Variants in MAGI2 observed in about 807,000 individuals in gnomAD.
MAGI2 encodes membrane-associated guanylate kinase, WW and PDZ domain-containing protein 2.
MAGI2 carries 35 observed loss-of-function variants against 133.3 expected under a neutral mutation model. That is an observed-to-expected ratio of 0.26 (90% CI 0.20 to 0.35). MAGI2 has a LOEUF of 0.35. MAGI2 is among the 10% of genes least tolerant of loss of function. The pLI, the probability that MAGI2 is intolerant of heterozygous loss-of-function variation, is 1.00. For missense variants in MAGI2, 1,636 were observed against 1,863.4 expected (o/e 0.88, Z 2.25); for synonymous variants, 729 against 710.6 (o/e 1.03, Z -0.41).
At chr7:78,327,846 C>A (rs1182146392) in intron 9 of MAGI2, among the ~76,000 whole-genome samples, 2 of 152,152 alleles carry the variant, frequency 1.3e-5, no homozygotes, top group Non-Finnish European at 2.9e-5. Flanking sequence ...AAGCCCTGGA[C>A]TTCTGACTCA....
chr7:78,498,397 AGTTT>A (rs1335207371), intron 5 of MAGI2, among the ~76,000 whole-genome samples: 1 of 152,164 alleles, frequency 6.6e-6, no homozygotes, highest in Non-Finnish European at 1.5e-5. Context: ...CATAGTATAC[AGTTT>A]GTTAGTTACA....
chr7:78,127,182 T>C lies in MAGI2; in HGVS notation c.3423+15A>G, dbSNP rs1308204810. Reference sequence around the variant, plus strand: ...GCCTTGGTCAGGACCCACCCTGCTCTCCGGGAGGAGGTACCTGGGGTTGTC... The same window carrying C: ...GCCTTGGTCAGGACCCACCCTGCTCCCCGGGAGGAGGTACCTGGGGTTGTC... On this transcript the variant is annotated intron_variant, in intron 19 of 21. Transcript: ENST00000354212. 2 of 1,548,878 alleles carry C rather than the reference T, an allele frequency of 1.3e-6. No individual in the cohort carries two copies.
At chr7:79,280,622 C>T (rs1835563680) in intron 1 of MAGI2, among the ~76,000 whole-genome samples, 1 of 151,716 alleles carries the variant, frequency 6.6e-6, no homozygotes, top group African/African-American at 2.4e-5. Context: ...CAAGAAGACA[C>T]AATAAAGAAT....
intron 6 of MAGI2, among the ~76,000 whole-genome samples, chr7:78,370,350 A>G (rs1383837290): frequency 6.6e-6 from 1 of 152,046 alleles, no homozygotes; most frequent in African/African-American, 2.4e-5. Context: ...TTACCGCACA[A>G]TATCATTTTC....
chr7:78,459,347 G>C (rs1308118147), intron 6 of MAGI2, among the ~76,000 whole-genome samples: 1 of 152,164 alleles, frequency 6.6e-6, no homozygotes, highest in Non-Finnish European at 1.5e-5. Context: ...TGAGTAGAGA[G>C]TCTTGAGCAA....
chr7:78,051,860 C>T (rs558739064), intron 21 of MAGI2, among the ~76,000 whole-genome samples: 2 of 147,752 alleles, frequency 1.4e-5, no homozygotes, highest in African/African-American at 2.5e-5. Context: ...GCTGGAATTG[C>T]AGGTGTGAGC....
rs138087282 is a variant in MAGI2 at position 78,761,494 on chromosome 7, C to G, written c.419-134255G>C. On this transcript the variant is annotated intron_variant, in intron 2 of 21. Coordinates refer to ENST00000354212, the MANE Select transcript of MAGI2 (RefSeq NM_012301.4). ...TTTTTTTTTTTTTTTGAGACAGAGT[C>G]TTGCTCTGTCCCCCAGGCTGGAGTG... 4.2e-3 allele frequency among the ~76,000 whole-genome samples: 614 copies of G among 144,598 alleles called. 6 individuals carry two copies. Among genetic ancestry groups the G allele is most frequent in the African/African-American group, 0.015 (572 of 38,966 alleles). The allele number at this position is 144,598 out of a possible 152,430, so 94.9% of individuals were successfully genotyped here.
intron 2 of MAGI2, among the ~76,000 whole-genome samples, chr7:78,968,912 A>G (rs76881389): frequency 0.026 from 4,006 of 152,214 alleles, 173 homozygotes; most frequent in African/African-American, 0.091. Flanking sequence ...AGTTAGAAAG[A>G]GTAAAAGAAT....
At chr7:78,361,382 G>A (rs1452995621) in intron 7 of MAGI2, among the ~76,000 whole-genome samples, 1 of 112,656 alleles carries the variant, frequency 8.9e-6, no homozygotes, top group African/African-American at 3.5e-5. Flanking sequence ...GACAGAGTGA[G>A]ACTCCATCTC....
chr7:78,235,936 T>C (rs1369179496), intron 10 of MAGI2, among the ~76,000 whole-genome samples: 1 of 151,912 alleles, frequency 6.6e-6, no homozygotes, highest in African/African-American at 2.4e-5. Flanking sequence ...AAAGTAACCA[T>C]GTGAATTAGC....
chr7:78,602,609 A>G (rs964031628), intron 3 of MAGI2, among the ~76,000 whole-genome samples: 2 of 152,166 alleles, frequency 1.3e-5, no homozygotes, highest in Admixed American at 1.3e-4. Flanking sequence ...AAAAGCTGAA[A>G]AGCATTTTTA....
At chr7:79,174,478 G>A (rs1335382348) in intron 1 of MAGI2, among the ~76,000 whole-genome samples, 3 of 151,540 alleles carry the variant, frequency 2.0e-5, no homozygotes, top group Non-Finnish European at 4.4e-5. Context: ...ATGACAAACT[G>A]GGGAAAAAAA....
At chr7:78,337,891 A>ACCATCCAT (rs112967411) in intron 9 of MAGI2, among the ~76,000 whole-genome samples, 75,315 of 149,916 alleles carry the variant, frequency 0.5, 19,311 homozygotes, top group African/African-American at 0.58. Flanking sequence ...CCATCCAATC[A>ACCATCCAT]CCATCCATCC....
intron 9 of MAGI2, among the ~76,000 whole-genome samples, chr7:78,261,120 C>T (rs1466151109): frequency 6.6e-6 from 1 of 152,072 alleles, no homozygotes; most frequent in East Asian, 1.9e-4. Context: ...AATTTACTTC[C>T]TAGTCAATTC....
At position 79,354,738 on chromosome 7, in the gene MAGI2, G is replaced by T. The variant is rs563308388; in HGVS notation, c.301+98282C>A. ...AAGCCTTTTAAATGCTCACCTCGGTGTGCCTCACAATGGTAATATTAGAGG... is the reference window on the plus strand; with the variant it reads ...AAGCCTTTTAAATGCTCACCTCGGTTTGCCTCACAATGGTAATATTAGAGG... On this transcript the variant is annotated intron_variant, in intron 1 of 21. Coordinates refer to ENST00000354212, the MANE Select transcript of MAGI2 (RefSeq NM_012301.4). Among the ~76,000 whole-genome samples, 16 of 152,284 alleles carry T rather than the reference G, an allele frequency of 1.1e-4. 1 individual carries two copies. Among genetic ancestry groups the T allele is most frequent in the African/African-American group, 2.9e-4 (12 of 41,562 alleles).
chr7:79,296,006 C>G (rs536269005), intron 1 of MAGI2, among the ~76,000 whole-genome samples: 5 of 152,246 alleles, frequency 3.3e-5, no homozygotes, highest in African/African-American at 1.2e-4. Context: ...AAAAGTGAAA[C>G]TATTCCTAAA....
chr7:78,244,375 T>C (rs1446377921), intron 10 of MAGI2, among the ~76,000 whole-genome samples: 1 of 151,958 alleles, frequency 6.6e-6, no homozygotes, highest in Non-Finnish European at 1.5e-5. Context: ...TAAAAAAAAT[T>C]AATTACTATG....
intron 1 of MAGI2, among the ~76,000 whole-genome samples, chr7:79,189,483 A>T (rs1025061721): frequency 6.6e-6 from 1 of 151,660 alleles, no homozygotes; most frequent in Non-Finnish European, 1.5e-5. Flanking sequence ...TTTATTTTTT[A>T]GAGTAGTTTA....
chr7:78,923,296 A>G (rs1381401749), intron 2 of MAGI2, among the ~76,000 whole-genome samples: 1 of 152,128 alleles, frequency 6.6e-6, no homozygotes, highest in Non-Finnish European at 1.5e-5. Flanking sequence ...GGTAATGCCT[A>G]GGTTTTCTTC....
Sources: allele counts gnomAD v4.1 joint callset (sites outside exome capture counted in the v4.1 genomes callset), GRCh38; gene constraint gnomAD v4.1.1; transcripts MANE v1.5; gene names NCBI Gene and HGNC (gene_info 2026-07-23, HGNC 2026-07-21).